The following CTNNA2 variants were observed in gnomAD, a reference collection of about 807,000 sequenced individuals.
The protein encoded by CTNNA2 is catenin alpha 2.
A neutral mutation model predicts 101.0 loss-of-function variants in CTNNA2; 42 were observed. The ratio of observed to expected loss-of-function variants is 0.42; its 90% CI spans 0.32 to 0.54. The LOEUF (loss-of-function observed/expected upper bound fraction) is 0.54. CTNNA2 is among the 20% of genes least tolerant of loss of function. The pLI is 0.14. For synonymous variants in CTNNA2, 450 were observed against 456.4 expected, an observed-to-expected ratio of 0.99 and a Z score of 0.18; for missense variants, 871 against 1,223.1, an observed-to-expected ratio of 0.71 and a Z score of 4.29.
At chr2:79,700,851 A>G (rs1573722707) in intron 2 of CTNNA2, among the ~76,000 whole-genome samples, 3 of 152,296 alleles carry the variant, frequency 2.0e-5, no homozygotes, top group South Asian at 4.1e-4. Flanking sequence ...TTTCAGTGCC[A>G]TATGAGAAAT....
chr2:80,469,297 C>G (rs536155842), intron 9 of CTNNA2, among the ~76,000 whole-genome samples: 1 of 152,330 alleles, frequency 6.6e-6, no homozygotes, highest in Admixed American at 6.5e-5. Context: ...CAGCCAGAAC[C>G]TCCAAGTAAT....
intron 7 of CTNNA2, among the ~76,000 whole-genome samples, chr2:80,267,536 G>A (rs1673094993): frequency 6.6e-6 from 1 of 152,114 alleles, no homozygotes; most frequent in Admixed American, 6.6e-5. Flanking sequence ...CCATCATGGA[G>A]CTTCCAGTCT....
intron 7 of CTNNA2, among the ~76,000 whole-genome samples, chr2:79,982,580 G>GATAA (rs58902673): frequency 0.46 from 69,741 of 150,348 alleles, 16,647 homozygotes; most frequent in African/African-American, 0.57. Flanking sequence ...GTAGGTTTCT[G>GATAA]ATGTTTCTGT....
chr2:80,269,351 G>A (rs1673272181), intron 7 of CTNNA2, among the ~76,000 whole-genome samples: 1 of 152,164 alleles, frequency 6.6e-6, no homozygotes, highest in African/African-American at 2.4e-5. Flanking sequence ...GATGCCTTGT[G>A]AAGAAGGACG....
intron 9 of CTNNA2, among the ~76,000 whole-genome samples, chr2:80,496,235 G>A (rs942323674): frequency 5.9e-5 from 9 of 152,004 alleles, no homozygotes; most frequent in Non-Finnish European, 1.2e-4. Context: ...ACTTTGTTAC[G>A]ACAGCCCCAG....
At chr2:80,187,672 G>A (rs1348374710) in intron 7 of CTNNA2, among the ~76,000 whole-genome samples, 1 of 152,174 alleles carries the variant, frequency 6.6e-6, no homozygotes, top group Non-Finnish European at 1.5e-5. Flanking sequence ...GAGGGAAATT[G>A]GAACCAGCAA....
chr2:79,863,698 C>T (rs1433909932), intron 4 of CTNNA2, among the ~76,000 whole-genome samples: 7 of 152,202 alleles, frequency 4.6e-5, no homozygotes, highest in Admixed American at 4.6e-4. Context: ...TGAGGAGAAG[C>T]TGCTACCCCT....
intron 2 of CTNNA2, among the ~76,000 whole-genome samples, chr2:79,305,699 A>C (rs1032582998): frequency 6.6e-6 from 1 of 152,096 alleles, no homozygotes; most frequent in Non-Finnish European, 1.5e-5. Flanking sequence ...AGATCAATCT[A>C]TAGATAGATA....
chr2:79,310,220 C>T (rs929676027), intron 2 of CTNNA2, among the ~76,000 whole-genome samples: 6 of 151,972 alleles, frequency 3.9e-5, no homozygotes, highest in South Asian at 2.1e-4. Flanking sequence ...CTGTATTAGT[C>T]GGAACTTCCA....
intron 2 of CTNNA2, among the ~76,000 whole-genome samples, chr2:79,279,899 A>T (rs1008342602): frequency 6.6e-6 from 1 of 152,126 alleles, no homozygotes; most frequent in Non-Finnish European, 1.5e-5. Flanking sequence ...TTGAATGTCA[A>T]TGAAGTTTTA....
At chr2:80,002,839 C>A (rs1173600645) in intron 7 of CTNNA2, among the ~76,000 whole-genome samples, 1 of 152,116 alleles carries the variant, frequency 6.6e-6, no homozygotes, top group African/African-American at 2.4e-5. Flanking sequence ...CCTGTCAAAC[C>A]AACATCTAAA....
chr2:79,643,620 T>C (rs999635485), intron 1 of CTNNA2, among the ~76,000 whole-genome samples: 3 of 152,192 alleles, frequency 2.0e-5, no homozygotes, highest in Admixed American at 2.0e-4. Flanking sequence ...TAACTTACCA[T>C]TGTATTACCA....
At chr2:79,839,263 A>AT (rs1212604293) in intron 3 of CTNNA2, among the ~76,000 whole-genome samples, 4 of 151,864 alleles carry the variant, frequency 2.6e-5, no homozygotes, top group Non-Finnish European at 5.9e-5. Context: ...CCTGGCTTCC[A>AT]TTTTCCATTT....
At chr2:79,859,750 G>A (rs17339591) in intron 4 of CTNNA2, among the ~76,000 whole-genome samples, 16,646 of 152,170 alleles carry the variant, frequency 0.11, 1,194 homozygotes, top group Non-Finnish European at 0.16. Flanking sequence ...TTCAGAGGCT[G>A]GTGAAGGGCA....
Position 80,309,974 on chromosome 2 carries a change from C to A in CTNNA2, c.1057-83237C>A, listed in dbSNP as rs147546252. 2.4e-3 allele frequency among the ~76,000 whole-genome samples: 359 copies of A among 152,008 alleles called. 1 individual carries two copies. The highest frequency in any genetic ancestry group is 0.018 in the South Asian group (87 of 4,804). On this transcript the variant is annotated intron_variant, in intron 7 of 18. Coordinates refer to ENST00000402739, the MANE Select transcript of CTNNA2 (RefSeq NM_001282597.3). ...AAAAGTGTAGGCCTGAGACCACAAA[C>A]CTTGGAGCTTATTAGAAATGTAGAT...
intron 3 of CTNNA2, among the ~76,000 whole-genome samples, chr2:79,361,272 C>G (rs999351190): frequency 2.6e-5 from 4 of 151,738 alleles, no homozygotes; most frequent in Admixed American, 2.6e-4. Flanking sequence ...TTTAGACAAA[C>G]AAACAAGAGT....
At chr2:79,873,327 G>T (rs1682734200) in intron 5 of CTNNA2, among the ~76,000 whole-genome samples, 2 of 152,060 alleles carry the variant, frequency 1.3e-5, no homozygotes, top group African/African-American at 4.8e-5. Context: ...TTTATTGAAT[G>T]CCTCTTATAG....
At chr2:79,551,320 G>A (rs535186040) in intron 1 of CTNNA2, among the ~76,000 whole-genome samples, 1 of 152,232 alleles carries the variant, frequency 6.6e-6, no homozygotes, top group South Asian at 2.1e-4. Context: ...GAAAAATGGG[G>A]GAGGGTAGAT....
chr2:79,965,850 A>AT (rs1690015177), intron 7 of CTNNA2, among the ~76,000 whole-genome samples: 1 of 140,144 alleles, frequency 7.1e-6, no homozygotes, highest in South Asian at 2.3e-4. Flanking sequence ...AAAAAAAAAA[A>AT]GAAGAAAAGA....
Sources: gnomAD v4.1 joint callset for allele counts (sites outside exome capture counted in the v4.1 genomes callset) on GRCh38, gnomAD v4.1.1 for gene constraint, MANE v1.5 for transcripts, NCBI Gene and HGNC (gene_info 2026-07-23, HGNC 2026-07-21) for gene names.